STAB2: variants seen among roughly 807,000 people sequenced by gnomAD.
STAB2 encodes the protein stabilin-2.
Under a neutral mutation model 338.1 loss-of-function variants are expected in STAB2, and 288 were observed. That is an observed-to-expected ratio of 0.85 (90% CI 0.77 to 0.94). The LOEUF (loss-of-function observed/expected upper bound fraction) is 0.94, where lower values mean the gene tolerates loss of function less well. STAB2 is among the 40% of genes least tolerant of loss of function. The pLI, the probability that STAB2 is intolerant of heterozygous loss-of-function variation, is 0.00. For synonymous variants in STAB2, 1,202 were observed against 1,193.3 expected, an observed-to-expected ratio of 1.01 and a Z score of -0.15; for missense variants, 3,141 against 3,210.1, an observed-to-expected ratio of 0.98 and a Z score of 0.52.
intron 5 of STAB2, among the ~76,000 whole-genome samples, chr12:103,630,910 G>A (rs1203616807): frequency 6.6e-6 from 1 of 152,228 alleles, no homozygotes; most frequent in Non-Finnish European, 1.5e-5. Flanking sequence ...CTAAGTTTGT[G>A]GAACTTGTTA....
Position 103,591,017 on chromosome 12 carries a change from G to C in STAB2, c.202G>C (p.Val68Leu). 6.2e-7 allele frequency: 1 copy of C among 1,613,864 alleles called. No homozygotes were observed. ...CATGATTACCAGTGGCTCTGTAGGG[G>C]TTCGAGATTGCAGGTACTCATGAGA... ...YTMITSGSVGVRDCRYTFEVR... is the reference protein window; with the variant it reads ...YTMITSGSVGLRDCRYTFEVR... Residue 68 changes from valine to leucine, a missense_variant, in exon 2 of 69, where the codon GTT becomes CTT. Physicochemically the swap from Val to Leu is conservative, Grantham distance 32. Transcript: ENST00000388887.
chr12:103,757,006 T>A (rs1258735379), intron 63 of STAB2, among the ~76,000 whole-genome samples: 1,385 of 16,276 alleles, frequency 0.085, 44 homozygotes, highest in African/African-American at 0.33. Flanking sequence ...AATATATATA[T>A]ATATATATAT....
intron 39 of STAB2, among the ~76,000 whole-genome samples, chr12:103,709,466 A>G (rs908048621): frequency 3.3e-5 from 5 of 152,160 alleles, no homozygotes; most frequent in African/African-American, 7.2e-5. Flanking sequence ...AATCATTCAG[A>G]CTTTGGATTG....
At position 103,594,603 on chromosome 12, in the gene STAB2, T is replaced by G. The variant is rs951629190; in HGVS notation, c.331+93T>G. The G allele has an allele frequency of 1.0e-5, 10 of 999,928 alleles. No individual in the cohort carries two copies. The African/African-American group carries it at 1.6e-4, about 16-fold the overall frequency. The allele number at this position is 999,928 out of a possible 1,614,324, so 61.9% of individuals were successfully genotyped here. On this transcript the variant is annotated intron_variant, in intron 3 of 68. Coordinates refer to ENST00000388887, the MANE Select transcript of STAB2 (RefSeq NM_017564.10). ...GAAGGAAGCCCAATAAAAAGAAGAA[T>G]GTTAACATCCGTTTGTAGAAATTTC...
intron 51 of STAB2, among the ~76,000 whole-genome samples, chr12:103,733,762 C>CATGATCATATAGGAACATAT (rs1881838049): frequency 1.3e-5 from 2 of 151,724 alleles, no homozygotes; most frequent in African/African-American, 2.4e-5. Flanking sequence ...TAGGAACATA[C>CATGATCATATAGGAACATAT]ATGATCATAT....
At chr12:103,678,229 A>G (rs1215760716) in intron 25 of STAB2, among the ~76,000 whole-genome samples, 1 of 152,212 alleles carries the variant, frequency 6.6e-6, no homozygotes, top group East Asian at 1.9e-4. Context: ...ATCTTGATAC[A>G]GTTTCTCACT....
At chr12:103,654,520 T>C (rs756171850) in intron 12 of STAB2, 35 bp from the exon 13 acceptor site, 57 of 1,605,232 alleles carry the variant, frequency 3.6e-5, no homozygotes, top group Admixed American at 2.4e-4. Context: ...CAGGACACCA[T>C]AGTAATCTTA....
At chr12:103,609,682 C>T (rs1388395930) in intron 3 of STAB2, among the ~76,000 whole-genome samples, 3 of 152,008 alleles carry the variant, frequency 2.0e-5, no homozygotes, top group African/African-American at 4.8e-5. Flanking sequence ...CCTTTATTTC[C>T]TTCTCCTGCC....
chr12:103,710,640 TAGAG>T (rs539747738), intron 39 of STAB2, among the ~76,000 whole-genome samples: 12 of 152,166 alleles, frequency 7.9e-5, no homozygotes, highest in Admixed American at 5.2e-4. Context: ...AGGTAGAGAA[TAGAG>T]AGAAAGGGAT....
intron 50 of STAB2, 35 bp downstream of exon 50, chr12:103,731,670 C>T (rs375769313): frequency 1.3e-6 from 2 of 1,591,162 alleles, no homozygotes; most frequent in Non-Finnish European, 1.7e-6. Context: ...CAGAGGATAA[C>T]CTGCCTAAAG....
At chr12:103,651,662 T>C (rs765917303) in intron 11 of STAB2, among the ~76,000 whole-genome samples, 16 of 151,980 alleles carry the variant, frequency 1.1e-4, no homozygotes, top group Non-Finnish European at 2.2e-4. Context: ...AAATGCTCTG[T>C]GAAACAGATC....
intron 34 of STAB2, among the ~76,000 whole-genome samples, chr12:103,700,160 C>T (rs1878738883): frequency 6.6e-6 from 1 of 152,122 alleles, no homozygotes; most frequent in Non-Finnish European, 1.5e-5. Flanking sequence ...ATTCATGAGG[C>T]TCAATATTTA....
chr12:103,742,695 G>T, intron 56 of STAB2, 141 bp downstream of exon 56: 2 of 1,366,474 alleles, frequency 1.5e-6, no homozygotes, highest in Non-Finnish European at 2.0e-6. Flanking sequence ...TGCCCTATGT[G>T]TTTATTTCCT....
At chr12:103,639,817 C>T (rs1872776667) in intron 8 of STAB2, among the ~76,000 whole-genome samples, 1 of 151,578 alleles carries the variant, frequency 6.6e-6, no homozygotes, top group Admixed American at 6.6e-5. Flanking sequence ...CCCATTTGGA[C>T]ATCAATTTCT....
Position 103,660,402 on chromosome 12 carries a change from T to G in STAB2, c.1788+18T>G. On this transcript the variant is annotated intron_variant, in intron 16 of 68. Coordinates refer to ENST00000388887, the MANE Select transcript of STAB2 (RefSeq NM_017564.10). Reference sequence around the variant, plus strand: ...TTACCCAGGTTGGCCCCACTTTTCCTGCTGCTACTTTCTCTCTGCTTCCAA... The same window carrying G: ...TTACCCAGGTTGGCCCCACTTTTCCGGCTGCTACTTTCTCTCTGCTTCCAA... The G allele has an allele frequency of 6.2e-7, 1 of 1,613,916 alleles. No individual in the cohort carries two copies. Among genetic ancestry groups the G allele is most frequent in the Non-Finnish European group, 8.5e-7 (1 of 1,179,742 alleles).
rs148764324 is a variant in STAB2 at position 103,692,774 on chromosome 12, A to T, written c.3298-38A>T. ...TCATCTCAATCCCAAGGTGCGCTCT[A>T]TAAAGACTCATCTTCCCACTGTGGT... On this transcript the variant is annotated intron_variant, in intron 30 of 68. Transcript: ENST00000388887. 6.7e-4 allele frequency: 1,049 copies of T among 1,562,490 alleles called. 4 individuals are homozygous for T. Among genetic ancestry groups the T allele is most frequent in the Middle Eastern group, 4.7e-3 (28 of 5,970 alleles).
At chr12:103,638,547 C>A (rs1006065374) in intron 8 of STAB2, among the ~76,000 whole-genome samples, 2 of 152,226 alleles carry the variant, frequency 1.3e-5, no homozygotes, top group Non-Finnish European at 1.5e-5. Context: ...CTTTTACCAG[C>A]AATCCTCCAT....
In STAB2 at chr12:103,693,389, T is replaced by C. The variant is rs553379270; in HGVS notation, c.3375+500T>C. 2.6e-5 allele frequency among the ~76,000 whole-genome samples: 4 copies of C among 152,068 alleles called. 1 individual carries two copies. In the South Asian group the frequency reaches 8.3e-4, roughly 32 times the overall value. Reference sequence around the variant, plus strand: ...GAGGTCAAGACTGCAATGAGCTGTGTTCAAGCCACTGCACTCCAGCCTGGG... The same window carrying C: ...GAGGTCAAGACTGCAATGAGCTGTGCTCAAGCCACTGCACTCCAGCCTGGG... On this transcript the variant is annotated intron_variant, in intron 31 of 68. Coordinates refer to ENST00000388887, the MANE Select transcript of STAB2 (RefSeq NM_017564.10).
chr12:103,667,441 C>A (rs1875220703), intron 19 of STAB2, among the ~76,000 whole-genome samples: 1 of 152,194 alleles, frequency 6.6e-6, no homozygotes, highest in Admixed American at 6.5e-5. Flanking sequence ...GAAACGTAAA[C>A]CACCTTGTAC....
Sources: gnomAD v4.1 joint callset for allele counts (sites outside exome capture counted in the v4.1 genomes callset) on GRCh38, gnomAD v4.1.1 for gene constraint, MANE v1.5 for transcripts, NCBI Gene and HGNC (gene_info 2026-07-23, HGNC 2026-07-21) for gene names.